Variants in AFF3 observed in about 807,000 individuals in gnomAD.
The protein encoded by AFF3 is AF4/FMR2 family member 3.
Under a neutral mutation model 129.7 loss-of-function variants are expected in AFF3, and 32 were observed. The observed-to-expected ratio is 0.25, with a 90% CI of 0.19 to 0.33. The LOEUF (loss-of-function observed/expected upper bound fraction) is 0.33. Among genes scored for constraint, AFF3 ranks in the 10% least tolerant of loss-of-function variants. The pLI is 1.00. For missense variants in AFF3, 1,373 were observed against 1,592.0 expected (o/e 0.86, Z 2.34); for synonymous variants, 644 against 635.4 (o/e 1.01, Z -0.20).
At position 99,601,428 on chromosome 2, in the gene AFF3, C is replaced by A; in HGVS notation, c.1371+7G>T. ...CAGAGGAGAGGCCTGAGCCAGGCAG[C>A]GCTTACCTCGGGGCTGGAGAAGTGG... On this transcript the variant is annotated splice_region_variant and intron_variant, in intron 14 of 24. Coordinates refer to ENST00000672756, the MANE Select transcript of AFF3 (RefSeq NM_001386135.1). The A allele has an allele frequency of 1.3e-6, 2 of 1,595,672 alleles. No individual in the cohort carries two copies. Among genetic ancestry groups the A allele is most frequent in the Admixed American group, 1.7e-5 (1 of 58,766 alleles).
At chr2:99,686,304 T>A (rs1390336988) in intron 11 of AFF3, among the ~76,000 whole-genome samples, 1 of 152,140 alleles carries the variant, frequency 6.6e-6, no homozygotes, top group Non-Finnish European at 1.5e-5. Context: ...GTCAACTGAT[T>A]TCAGAGCCAA....
Position 100,037,702 on chromosome 2 carries a change from TTATATATTTATATATTA to T in AFF3, c.54-28787_54-28771del, listed in dbSNP as rs1288923053. On this transcript the variant is annotated intron_variant, in intron 4 of 24. Coordinates refer to ENST00000672756, the MANE Select transcript of AFF3 (RefSeq NM_001386135.1). ...TAAATATATATTTATATTTTATATA[TTATATATTTATATATTA>T]TATATATTTATATTAATTTGTGTAT... Among the ~76,000 whole-genome samples the T allele has an allele frequency of 1.7e-3, 219 of 125,790 alleles. 3 individuals carry two copies. The highest frequency in any genetic ancestry group is 6.2e-3 in the African/African-American group (207 of 33,560). The allele number at this position is 125,790 out of a possible 152,430, so 82.5% of individuals were successfully genotyped here.
intron 12 of AFF3, among the ~76,000 whole-genome samples, chr2:99,659,153 G>A (rs764193508): frequency 1.3e-5 from 2 of 152,158 alleles, no homozygotes; most frequent in African/African-American, 2.4e-5. Flanking sequence ...CTGAAGATTC[G>A]CCTGGCAGAG....
rs75729219 is a variant in AFF3, at chr2:99,771,657, A to C, written c.922-19356T>G. Among the ~76,000 whole-genome samples the C allele has an allele frequency of 5.8e-4, 89 of 152,344 alleles. No homozygotes were observed. In the East Asian group the frequency reaches 0.017, roughly 29 times the overall value. On this transcript the variant is annotated intron_variant, in intron 8 of 24. Transcript: ENST00000672756. ...ATTTCAAAGCTCTCAGAGACAAAAG[A>C]ATAACATGGTATAAAGAAGTGGAAC... is the stretch of plus-strand genomic sequence containing the variant.
At chr2:99,648,938 C>CTCTCTCTCTCTCTCTCTCTTTCT (rs56856050) in intron 13 of AFF3, among the ~76,000 whole-genome samples, 1 of 146,518 alleles carries the variant, frequency 6.8e-6, no homozygotes, top group South Asian at 2.2e-4. Context: ...CTCTCTCTCT[C>CTCTCTCTCTCTCTCTCTCTTTCT]CAATCTTAGT....
intron 4 of AFF3, among the ~76,000 whole-genome samples, chr2:100,064,849 A>G (rs960984632): frequency 6.6e-6 from 1 of 152,236 alleles, no homozygotes; most frequent in African/African-American, 2.4e-5. Flanking sequence ...TATAAATTCT[A>G]TAGATTCATT....
chr2:99,873,446 T>C (rs1417429481), intron 7 of AFF3, among the ~76,000 whole-genome samples: 2 of 152,212 alleles, frequency 1.3e-5, no homozygotes, highest in Admixed American at 6.5e-5. Context: ...TGGGTATGCA[T>C]TGTAGGCATC....
chr2:99,807,567 T>C (rs1686450968), intron 8 of AFF3, among the ~76,000 whole-genome samples: 1 of 152,236 alleles, frequency 6.6e-6, no homozygotes, highest in South Asian at 2.1e-4. Context: ...TCTAGTCACC[T>C]GATGCTGTGA....
Position 99,744,021 on chromosome 2 carries a change from G to C in AFF3, c.1039+83C>G. 16 of 1,248,294 alleles carry C rather than the reference G, an allele frequency of 1.3e-5. No homozygotes were observed. In the South Asian group the frequency reaches 2.2e-4, roughly 17 times the overall value. The allele number at this position is 1,248,294 out of a possible 1,614,324, so 77.3% of individuals were successfully genotyped here. On this transcript the variant is annotated intron_variant, in intron 10 of 24. Transcript: ENST00000672756. Reference sequence around the variant, plus strand: ...ATTTCTTTGAAACCTACTGTCCAATGTGTGCTCATCCTCCCTCCCCTTCTG... The same window carrying C: ...ATTTCTTTGAAACCTACTGTCCAATCTGTGCTCATCCTCCCTCCCCTTCTG...
At chr2:99,760,166 G>A (rs944272064) in intron 8 of AFF3, among the ~76,000 whole-genome samples, 2 of 152,182 alleles carry the variant, frequency 1.3e-5, no homozygotes, top group Non-Finnish European at 2.9e-5. Context: ...ACTTCACTCT[G>A]AGCTTTAGTT....
At chr2:99,751,828 C>A (rs1440721080) in intron 9 of AFF3, among the ~76,000 whole-genome samples, 1 of 152,160 alleles carries the variant, frequency 6.6e-6, no homozygotes, top group African/African-American at 2.4e-5. Flanking sequence ...TTAAATACCA[C>A]ACGTCTTCAA....
At chr2:99,661,894 C>T (rs1450678093) in intron 12 of AFF3, among the ~76,000 whole-genome samples, 1 of 152,140 alleles carries the variant, frequency 6.6e-6, no homozygotes, top group Non-Finnish European at 1.5e-5. Context: ...AATGCTAACA[C>T]TTTGGAAGGC....
intron 4 of AFF3, among the ~76,000 whole-genome samples, chr2:100,030,810 A>G (rs528149003): frequency 6.6e-6 from 1 of 152,312 alleles, no homozygotes; most frequent in Non-Finnish European, 1.5e-5. Flanking sequence ...AGCTAAATAT[A>G]GAGTAGTTTC....
chr2:99,832,150 G>A (rs17023161), intron 8 of AFF3, among the ~76,000 whole-genome samples: 1,776 of 152,270 alleles, frequency 0.012, 34 homozygotes, highest in African/African-American at 0.039. Flanking sequence ...ATCAGAACCC[G>A]CTTTTTACTG....
intron 7 of AFF3, among the ~76,000 whole-genome samples, chr2:99,895,432 T>A (rs1025137451): frequency 6.6e-6 from 1 of 152,252 alleles, no homozygotes; most frequent in Admixed American, 6.5e-5. Flanking sequence ...GAAATTTAGA[T>A]ACGCTGAAGT....
At chr2:99,916,098 C>T (rs1230988419) in intron 7 of AFF3, among the ~76,000 whole-genome samples, 2 of 152,136 alleles carry the variant, frequency 1.3e-5, no homozygotes, top group African/African-American at 4.8e-5. Flanking sequence ...TAGCCTGTGG[C>T]CATAAAACTG....
Position 99,843,308 on chromosome 2 carries a change from C to T in AFF3, c.874-5784G>A, listed in dbSNP as rs1689458429. On this transcript the variant is annotated intron_variant, in intron 7 of 24. Coordinates refer to ENST00000672756, the MANE Select transcript of AFF3 (RefSeq NM_001386135.1). ...AAATTCAGCCTGTCTCACACCTAAC[C>T]TGTACCATCCCCTGTCAGGGGCTTC... is the stretch of plus-strand genomic sequence containing the variant. Among the ~76,000 whole-genome samples the T allele has an allele frequency of 3.9e-5, 6 of 152,346 alleles. No homozygotes were observed. In the South Asian group the frequency reaches 1.2e-3, roughly 32 times the overall value.
At chr2:99,656,828 C>T (rs892429430) in intron 12 of AFF3, among the ~76,000 whole-genome samples, 2 of 152,108 alleles carry the variant, frequency 1.3e-5, no homozygotes, top group African/African-American at 4.8e-5. Context: ...TTTGCATTTT[C>T]GGATTCCTAG....
At chr2:100,032,806 C>T (rs1684609047) in intron 4 of AFF3, among the ~76,000 whole-genome samples, 2 of 152,132 alleles carry the variant, frequency 1.3e-5, no homozygotes, top group South Asian at 4.1e-4. Flanking sequence ...TGCATCAACA[C>T]TGTGTGTCTT....
Sources: gnomAD v4.1 joint callset for allele counts (sites outside exome capture counted in the v4.1 genomes callset) on GRCh38, gnomAD v4.1.1 for gene constraint, MANE v1.5 for transcripts, NCBI Gene and HGNC (gene_info 2026-07-23, HGNC 2026-07-21) for gene names.